Variants in MAGI2 observed in about 807,000 individuals in gnomAD.
MAGI2 encodes the protein membrane-associated guanylate kinase, WW and PDZ domain-containing protein 2.
Under a neutral mutation model 133.3 loss-of-function variants are expected in MAGI2, and 35 were observed. The observed-to-expected ratio is 0.26, with a 90% CI of 0.20 to 0.35. The LOEUF (loss-of-function observed/expected upper bound fraction) is 0.35. MAGI2 is among the 10% of genes least tolerant of loss of function. MAGI2 has a pLI of 1.00. For synonymous variants in MAGI2, 729 were observed against 710.6 expected, an observed-to-expected ratio of 1.03 and a Z score of -0.41; for missense variants, 1,636 against 1,863.4, an observed-to-expected ratio of 0.88 and a Z score of 2.25.
At chr7:79,432,736 C>A (rs1396354141) in intron 1 of MAGI2, among the ~76,000 whole-genome samples, 1 of 152,162 alleles carries the variant, frequency 6.6e-6, no homozygotes, top group African/African-American at 2.4e-5. Context: ...CAGGTTTAGT[C>A]TATTCCCCTG....
chr7:78,279,675 G>A (rs1195350190), intron 9 of MAGI2, among the ~76,000 whole-genome samples: 3 of 151,994 alleles, frequency 2.0e-5, no homozygotes. Flanking sequence ...CCCTCTGAGT[G>A]GGGAGACAGT....
intron 6 of MAGI2, among the ~76,000 whole-genome samples, chr7:78,376,244 TA>T (rs1794439086): frequency 6.6e-6 from 1 of 152,026 alleles, no homozygotes; most frequent in African/African-American, 2.4e-5. Context: ...AAGAACAAAT[TA>T]AAAAACCTAA....
intron 2 of MAGI2, among the ~76,000 whole-genome samples, chr7:78,802,500 T>C (rs1422454599): frequency 6.6e-6 from 1 of 152,218 alleles, no homozygotes; most frequent in Non-Finnish European, 1.5e-5. Flanking sequence ...TCACGCACTT[T>C]ACTGGATAAA....
chr7:78,128,792 T>A (rs145354103), intron 18 of MAGI2, among the ~76,000 whole-genome samples: 1 of 152,332 alleles, frequency 6.6e-6, no homozygotes, highest in Non-Finnish European at 1.5e-5. Context: ...CATTTATTAC[T>A]TAACCCTGCA....
chr7:79,291,338 C>T (rs899505875), intron 1 of MAGI2, among the ~76,000 whole-genome samples: 2 of 151,956 alleles, frequency 1.3e-5, no homozygotes, highest in African/African-American at 4.8e-5. Flanking sequence ...GGGTTGTTTC[C>T]AACTTTTGGT....
At chr7:78,805,857 A>C (rs746980013) in intron 2 of MAGI2, among the ~76,000 whole-genome samples, 8 of 152,148 alleles carry the variant, frequency 5.3e-5, no homozygotes, top group Non-Finnish European at 1.2e-4. Flanking sequence ...CCACCTTGGA[A>C]GCGGATCTTG....
intron 2 of MAGI2, among the ~76,000 whole-genome samples, chr7:78,916,771 G>A (rs1174868007): frequency 6.6e-6 from 1 of 152,128 alleles, no homozygotes; most frequent in Non-Finnish European, 1.5e-5. Context: ...AGTTAGAATT[G>A]CAGGCTGGAA....
At chr7:79,008,591 C>G (rs557246900) in intron 1 of MAGI2, among the ~76,000 whole-genome samples, 26 of 152,200 alleles carry the variant, frequency 1.7e-4, no homozygotes, top group Middle Eastern at 6.8e-3. Flanking sequence ...TAGTGGAAAT[C>G]AAATGACATA....
chr7:79,431,346 A>G (rs1016463573), intron 1 of MAGI2, among the ~76,000 whole-genome samples: 4 of 152,212 alleles, frequency 2.6e-5, no homozygotes, highest in African/African-American at 9.6e-5. Context: ...GGAAAGAAAG[A>G]AGAGAAAAAA....
rs539472847 is a variant in MAGI2, at chr7:79,440,907, A to C, written c.301+12113T>G. Among the ~76,000 whole-genome samples, 7 of 152,308 alleles carry C rather than the reference A, an allele frequency of 4.6e-5. No homozygotes were observed. The East Asian group carries it at 1.4e-3, about 29-fold the overall frequency. On this transcript the variant is annotated intron_variant, in intron 1 of 21. Transcript: ENST00000354212. ...TTCGGCTAGCTCTCTTCACGATCAC[A>C]ACATGACTACTGTGGCTTCAGGCAT...
chr7:78,343,649 A>G lies in MAGI2; in HGVS notation c.1408+129T>C, dbSNP rs73136641. The stretch of plus-strand genomic sequence containing the variant: ...TTTAAACTTAGGGGAAACATAATTT[A>G]TGCTTCATGCTTTTCCTAAAGTGAA... On this transcript the variant is annotated intron_variant, in intron 9 of 21. Coordinates refer to ENST00000354212, the MANE Select transcript of MAGI2 (RefSeq NM_012301.4). The G allele has an allele frequency of 0.037, 20,833 of 563,268 alleles. 616 individuals carry two copies. Among genetic ancestry groups the G allele is most frequent in the African/African-American group, 0.1 (5,379 of 51,614 alleles). The allele number at this position is 563,268 out of a possible 1,614,324, so 34.9% of individuals were successfully genotyped here.
chr7:79,115,290 AC>A (rs1819294412), intron 1 of MAGI2, among the ~76,000 whole-genome samples: 1 of 152,236 alleles, frequency 6.6e-6, no homozygotes. Context: ...CTGGTGACAG[AC>A]AAGATAAACT....
intron 2 of MAGI2, among the ~76,000 whole-genome samples, chr7:78,932,469 G>A (rs1800209411): frequency 6.6e-6 from 1 of 151,546 alleles, no homozygotes; most frequent in African/African-American, 2.4e-5. Context: ...ATAAATCATT[G>A]AAGTTCTGTA....
At chr7:78,801,401 T>C (rs1030831910) in intron 2 of MAGI2, among the ~76,000 whole-genome samples, 26 of 152,140 alleles carry the variant, frequency 1.7e-4, no homozygotes, top group African/African-American at 6.0e-4. Context: ...GGTTTATAAC[T>C]GGGGCTTTGA....
At chr7:78,422,128 C>T (rs909787460) in intron 6 of MAGI2, among the ~76,000 whole-genome samples, 17 of 152,066 alleles carry the variant, frequency 1.1e-4, no homozygotes, top group African/African-American at 4.1e-4. Flanking sequence ...ACTGAGGATG[C>T]CATTAGGGAG....
chr7:78,289,426 A>G (rs577324176), intron 9 of MAGI2, among the ~76,000 whole-genome samples: 4 of 152,292 alleles, frequency 2.6e-5, no homozygotes, highest in African/African-American at 9.6e-5. Context: ...AAATGAACAA[A>G]GCCTCCAAGA....
At chr7:78,881,664 A>G (rs1795849467) in intron 2 of MAGI2, among the ~76,000 whole-genome samples, 1 of 152,166 alleles carries the variant, frequency 6.6e-6, no homozygotes, top group Non-Finnish European at 1.5e-5. Flanking sequence ...AAACCACACA[A>G]TTATGTGGAA....
At chr7:78,286,689 C>T (rs926077239) in intron 9 of MAGI2, among the ~76,000 whole-genome samples, 2 of 151,970 alleles carry the variant, frequency 1.3e-5, no homozygotes, top group African/African-American at 4.8e-5. Context: ...AAGCTATATA[C>T]TAGAATGGTC....
At chr7:78,117,049 G>T (rs577015820) in intron 20 of MAGI2, among the ~76,000 whole-genome samples, 16 of 149,786 alleles carry the variant, frequency 1.1e-4, no homozygotes, top group Non-Finnish European at 1.6e-4. Context: ...TTCACATGAA[G>T]AAAACATACT....
Sources: gnomAD v4.1 joint callset for allele counts (sites outside exome capture counted in the v4.1 genomes callset) on GRCh38, gnomAD v4.1.1 for gene constraint, MANE v1.5 for transcripts, NCBI Gene and HGNC (gene_info 2026-07-23, HGNC 2026-07-21) for gene names.